Variants in MAP2 observed in about 807,000 individuals in gnomAD.
MAP2 encodes microtubule-associated protein 2.
Under a neutral mutation model 137.6 loss-of-function variants are expected in MAP2, and 14 were observed. That is an observed-to-expected ratio of 0.10 (90% CI 0.07 to 0.16). MAP2 has a LOEUF of 0.16. Ranked by LOEUF, MAP2 falls within the 10% of genes least tolerant of loss-of-function variation. The pLI, the probability that MAP2 is intolerant of heterozygous loss-of-function variation, is 1.00. For missense variants in MAP2, 2,088 were observed against 2,191.5 expected (o/e 0.95, Z 0.94); for synonymous variants, 786 against 782.3 (o/e 1.00, Z -0.08).
chr2:209,557,525 C>T (rs531639206), intron 2 of MAP2, among the ~76,000 whole-genome samples: 13 of 152,292 alleles, frequency 8.5e-5, no homozygotes, highest in Middle Eastern at 3.4e-3. Flanking sequence ...AGTAGAGCCA[C>T]TATCCAACTC....
At chr2:209,691,524 C>T (rs2058893652) in intron 7 of MAP2, among the ~76,000 whole-genome samples, 1 of 152,144 alleles carries the variant, frequency 6.6e-6, no homozygotes, top group Admixed American at 6.5e-5. Flanking sequence ...ATGATCCATA[C>T]ACTTGCTCTT....
intron 1 of MAP2, among the ~76,000 whole-genome samples, chr2:209,436,030 A>ACAGTATATATTATATATAATAAATACAG (rs1459219355): frequency 7.3e-6 from 1 of 137,330 alleles, no homozygotes; most frequent in South Asian, 2.2e-4. Flanking sequence ...TATAAAATAT[A>ACAGTATATATTATATATAATAAATACAG]TATATATGTA....
Position 209,593,726 on chromosome 2 carries a change from AT to A in MAP2, c.-107+13627del, listed in dbSNP as rs1322073542. Among the ~76,000 whole-genome samples, 14 of 17,312 alleles carry A rather than the reference AT, an allele frequency of 8.1e-4. 1 individual carries two copies. The highest frequency in any genetic ancestry group is 3.0e-3 in the South Asian group (1 of 336). 11.4% of individuals were successfully genotyped at this position (17,312 alleles called of 152,430 possible). A position where few individuals can be genotyped will look rare whatever the true frequency, so the allele number is the denominator to read the frequency against. ...ATTATATTTTATATTATATATAAAT[AT>A]ATAATATAATACATTATATTATATT... On this transcript the variant is annotated intron_variant, in intron 3 of 15. Coordinates refer to ENST00000682079, the MANE Select transcript of MAP2 (RefSeq NM_001375505.1).
rs780421963 is a variant in MAP2 at position 209,692,998 on chromosome 2, T to G, written c.828T>G (p.Asp276Glu). ...FIEMPTEAKK[D>E]EWGLVAPISP... Reference sequence around the variant, plus strand: ...AAATGCCAACGGAAGCAAAAAAGGATGAGTGGGGTTTAGTTGCCCCCATAT... The same window carrying G: ...AAATGCCAACGGAAGCAAAAAAGGAGGAGTGGGGTTTAGTTGCCCCCATAT... Residue 276 changes from aspartate (D) to glutamate (E), a missense_variant, in exon 8 of 16, where the codon GAT becomes GAG. By Grantham distance (45) the Asp-to-Glu change is conservative. This residue lies in a region of MAP2 where 859 missense variants were observed against 794.5 expected (regional missense o/e 1.08). Transcript: ENST00000682079. 4 of 1,613,368 alleles carry G rather than the reference T, an allele frequency of 2.5e-6. No homozygotes were observed. The Admixed American group carries it at 5.0e-5, about 20-fold the overall frequency.
chr2:209,475,194 G>GT (rs1441623951), intron 1 of MAP2, among the ~76,000 whole-genome samples: 5 of 152,024 alleles, frequency 3.3e-5, no homozygotes, highest in Non-Finnish European at 5.9e-5. Flanking sequence ...CCTACTGTGT[G>GT]TTTATACACG....
chr2:209,651,979 C>A (rs185429841), intron 4 of MAP2, among the ~76,000 whole-genome samples: 1 of 152,100 alleles, frequency 6.6e-6, no homozygotes, highest in Non-Finnish European at 1.5e-5. Flanking sequence ...TTTTTGGAGG[C>A]CTTTGCTTGA....
rs753201638 is a variant in MAP2, at chr2:209,695,934, T to C, written c.3764T>C (p.Leu1255Pro). The change falls in exon 8 of 16, where the codon CTT (leucine) becomes CCT (proline). Residue 1255 changes from leucine (L) to proline (P), a missense_variant. By Grantham distance (98) the Leu-to-Pro change is moderately conservative (BLOSUM62 -3). This residue lies in a region of MAP2 where 591 missense variants were observed against 642.6 expected (regional missense o/e 0.92). Transcript: ENST00000682079. ...YDKLLFRSDT[L>P]QITDLGVSGA... is the part of the protein sequence containing the mutation. ...AAACTGCTCTTCCGCTCAGACACCC[T>C]TCAGATAACTGACCTGGGTGTCTCA... The C allele has an allele frequency of 2.5e-6, 4 of 1,613,918 alleles. No homozygotes were observed. The African/African-American group carries it at 4.0e-5, about 16-fold the overall frequency.
intron 2 of MAP2, among the ~76,000 whole-genome samples, chr2:209,534,761 A>G (rs1422570759): frequency 6.6e-6 from 1 of 152,230 alleles, no homozygotes; most frequent in Non-Finnish European, 1.5e-5. Context: ...ATTTAACTGA[A>G]TCACTGCTCT....
At chr2:209,545,080 G>T (rs767426864) in intron 2 of MAP2, among the ~76,000 whole-genome samples, 1 of 152,158 alleles carries the variant, frequency 6.6e-6, no homozygotes, top group Non-Finnish European at 1.5e-5. Flanking sequence ...TTTAGCTATG[G>T]GATAATAGTA....
intron 3 of MAP2, among the ~76,000 whole-genome samples, chr2:209,599,233 G>A (rs542769556): frequency 5.3e-5 from 8 of 152,040 alleles, no homozygotes; most frequent in Admixed American, 4.6e-4. Context: ...TTTTTTGGCT[G>A]CATAAATGTC....
intron 2 of MAP2, among the ~76,000 whole-genome samples, chr2:209,518,014 A>G (rs1253831488): frequency 6.6e-6 from 1 of 152,046 alleles, no homozygotes; most frequent in African/African-American, 2.4e-5. Flanking sequence ...GAATTTGTAC[A>G]TGATAATATT....
At chr2:209,521,481 G>A (rs1211345807) in intron 2 of MAP2, among the ~76,000 whole-genome samples, 2 of 149,466 alleles carry the variant, frequency 1.3e-5, no homozygotes, top group Non-Finnish European at 3.0e-5. Flanking sequence ...GAGTTTGATT[G>A]GATTGTAACC....
At chr2:209,613,064 AC>A (rs375500792) in intron 3 of MAP2, among the ~76,000 whole-genome samples, 44 of 152,046 alleles carry the variant, frequency 2.9e-4, no homozygotes, top group African/African-American at 7.7e-4. Context: ...AGGTTCTCTT[AC>A]CCCCGCCGTG....
chr2:209,505,886 C>T (rs1392814443), intron 1 of MAP2, among the ~76,000 whole-genome samples: 5 of 151,690 alleles, frequency 3.3e-5, no homozygotes, highest in African/African-American at 4.8e-5. Context: ...GTGGGAGGAC[C>T]GATTGAGCCT....
chr2:209,661,721 C>G (rs1205077884), intron 5 of MAP2: 1 of 978,944 alleles, frequency 1.0e-6, no homozygotes, highest in African/African-American at 1.8e-5. Context: ...GGTCTCTCTA[C>G]TAGGTGAAGC....
chr2:209,489,681 G>A (rs1042152215), intron 1 of MAP2, among the ~76,000 whole-genome samples: 7 of 152,148 alleles, frequency 4.6e-5, no homozygotes, highest in African/African-American at 1.2e-4. Context: ...TCAAGTGGAA[G>A]AAAGGATATC....
intron 2 of MAP2, among the ~76,000 whole-genome samples, chr2:209,561,128 G>T (rs753744630): frequency 6.6e-6 from 1 of 152,164 alleles, no homozygotes; most frequent in South Asian, 2.1e-4. Context: ...GATTTTACAC[G>T]TCCTCTTTTC....
intron 3 of MAP2, among the ~76,000 whole-genome samples, chr2:209,619,725 T>C (rs1242285533): frequency 6.6e-6 from 1 of 152,100 alleles, no homozygotes; most frequent in Admixed American, 6.6e-5. Flanking sequence ...TCACCAGGCA[T>C]TGTTATTTAT....
intron 3 of MAP2, among the ~76,000 whole-genome samples, chr2:209,593,671 A>ATATATATATG (rs2080114108): frequency 1.3e-5 from 1 of 78,698 alleles, no homozygotes; most frequent in African/African-American, 4.9e-5. Context: ...ATATATATAT[A>ATATATATATG]TATGTATTAT....
Sources: gnomAD v4.1 joint callset for allele counts (sites outside exome capture counted in the v4.1 genomes callset) on GRCh38, gnomAD v4.1.1 for gene constraint, gnomAD v4.1.1 regional missense constraint, MANE v1.5 for transcripts, NCBI Gene and HGNC (gene_info 2026-07-23, HGNC 2026-07-21) for gene names.